ASPRV1: variants seen among roughly 807,000 people sequenced by gnomAD.
ASPRV1 encodes the protein retroviral-like aspartic protease 1.
ASPRV1 carries 7 observed loss-of-function variants against 11.0 expected under a neutral mutation model. That is an observed-to-expected ratio of 0.64 (90% CI 0.36 to 1.20). ASPRV1 has a LOEUF of 1.20. Ranked by LOEUF, ASPRV1 falls within the 50% of genes most tolerant of loss-of-function variation. ASPRV1 has a pLI of 0.02. For synonymous variants in ASPRV1, 136 were observed against 138.4 expected (o/e 0.98, Z 0.12); for missense variants, 299 against 320.0 (o/e 0.93, Z 0.50).
At chr2:70,084,583 G>C in the ASPRV1 span, among the ~76,000 whole-genome samples, 1 of 152,098 alleles carries the variant, frequency 6.6e-6, no homozygotes, top group East Asian at 1.9e-4. Context: ...GTGTATAAGC[G>C]GTCACAACTT....
At chr2:70,081,964 G>A in the ASPRV1 span, among the ~76,000 whole-genome samples, 4 of 151,834 alleles carry the variant, frequency 2.6e-5, no homozygotes, top group South Asian at 2.1e-4. Context: ...AAAAAGCTAC[G>A]TTAGTAGGGC....
At chr2:69,943,800 G>A in the ASPRV1 span, among the ~76,000 whole-genome samples, 11 of 152,148 alleles carry the variant, frequency 7.2e-5, no homozygotes, top group African/African-American at 2.7e-4. Context: ...TGGCAAGTTC[G>A]CCAAGTGCAG....
the ASPRV1 span, among the ~76,000 whole-genome samples, chr2:70,064,848 C>T: frequency 6.6e-6 from 1 of 152,168 alleles, no homozygotes; most frequent in Non-Finnish European, 1.5e-5. Context: ...AATCCCAGCA[C>T]TTTGGGAGGC....
At chr2:70,049,463 A>C in the ASPRV1 span, 1 of 152,132 alleles carries the variant, frequency 6.6e-6, no homozygotes, top group Non-Finnish European at 1.5e-5. Flanking sequence ...AGAGGCAAGA[A>C]ACTGAATCAA....
At chr2:69,983,560 G>T in the ASPRV1 span, among the ~76,000 whole-genome samples, 11 of 152,154 alleles carry the variant, frequency 7.2e-5, no homozygotes, top group Non-Finnish European at 1.5e-4. Context: ...AGCTGGGCTG[G>T]GCTGGATGTG....
At chr2:69,970,948 C>T in the ASPRV1 span, 1 of 152,362 alleles carries the variant, frequency 6.6e-6, no homozygotes, top group South Asian at 2.1e-4. Flanking sequence ...GGGCAGATCA[C>T]CTGAGGTCAG....
chr2:70,004,380 A>C, the ASPRV1 span, among the ~76,000 whole-genome samples: 1 of 152,052 alleles, frequency 6.6e-6, no homozygotes, highest in African/African-American at 2.4e-5. Context: ...AATACAAAAA[A>C]TTAGCCAGGT....
upstream of ASPRV1, among the ~76,000 whole-genome samples, chr2:69,965,570 C>T (rs542434653): frequency 1.6e-4 from 24 of 152,306 alleles, no homozygotes; most frequent in East Asian, 5.8e-4. Context: ...ATTGTTCCTG[C>T]GGCCTGACGA....
chr2:70,078,744 A>T, the ASPRV1 span, among the ~76,000 whole-genome samples: 1 of 152,326 alleles, frequency 6.6e-6, no homozygotes, highest in Non-Finnish European at 1.5e-5. Flanking sequence ...CATGGTAGGG[A>T]CACTACCTTT....
chr2:69,984,885 C>T, the ASPRV1 span, among the ~76,000 whole-genome samples: 1 of 145,914 alleles, frequency 6.9e-6, no homozygotes. Flanking sequence ...GAGGCAGAGT[C>T]TCGCTCTGTC....
chr2:70,002,080 G>C, the ASPRV1 span, among the ~76,000 whole-genome samples: 1 of 152,110 alleles, frequency 6.6e-6, no homozygotes, highest in Non-Finnish European at 1.5e-5. Context: ...ACAAATATTA[G>C]CATGATTTTT....
Position 69,960,144 on chromosome 2 carries a change from G to A in ASPRV1, c.*513C>T. Reference sequence around the variant, plus strand: ...TGCAGCAATTGAATTATTGGCATAAGGCACAATGGGCTTCAAAGCAAATGA... The same window carrying A: ...TGCAGCAATTGAATTATTGGCATAAAGCACAATGGGCTTCAAAGCAAATGA... On this transcript the variant is annotated 3_prime_UTR_variant, in exon 1 of 1. Coordinates refer to ENST00000320256, the MANE Select transcript of ASPRV1 (RefSeq NM_152792.4). 1 of 154,762 alleles carries A rather than the reference G, an allele frequency of 6.5e-6. No individual in the cohort carries two copies. Among genetic ancestry groups the A allele is most frequent in the Non-Finnish European group, 1.4e-5 (1 of 69,560 alleles). The allele number at this position is 154,762 out of a possible 1,614,324, so 9.6% of individuals were successfully genotyped here.
At chr2:70,052,616 A>G in the ASPRV1 span, among the ~76,000 whole-genome samples, 2 of 152,090 alleles carry the variant, frequency 1.3e-5, no homozygotes, top group Non-Finnish European at 2.9e-5. Flanking sequence ...GCAAATCTAC[A>G]CACCTCCTCA....
the ASPRV1 span, among the ~76,000 whole-genome samples, chr2:70,010,356 G>A: frequency 2.0e-5 from 3 of 152,172 alleles, no homozygotes; most frequent in African/African-American, 7.2e-5. Flanking sequence ...CTGAACAGCT[G>A]ACGTGGGGTG....
chr2:70,046,508 A>G, the ASPRV1 span: 1 of 152,210 alleles, frequency 6.6e-6, no homozygotes, highest in South Asian at 2.1e-4. Flanking sequence ...ATCACCTGAC[A>G]CATGTGCTAT....
At chr2:70,031,508 T>G in the ASPRV1 span, 1 of 152,058 alleles carries the variant, frequency 6.6e-6, no homozygotes, top group Admixed American at 6.6e-5. Flanking sequence ...CCATCCCGGC[T>G]AACATGGTAA....
chr2:70,070,071 C>T, the ASPRV1 span, among the ~76,000 whole-genome samples: 1 of 149,960 alleles, frequency 6.7e-6, no homozygotes, highest in Non-Finnish European at 1.5e-5. Context: ...CCCAGCTACT[C>T]GGGAGGCTGA....
the ASPRV1 span, among the ~76,000 whole-genome samples, chr2:69,947,036 C>T: frequency 3.9e-5 from 6 of 152,330 alleles, no homozygotes; most frequent in African/African-American, 1.4e-4. Flanking sequence ...TTCACACGTA[C>T]CTTTGCACTG....
chr2:70,085,651 GA>G, the ASPRV1 span: 2 of 151,880 alleles, frequency 1.3e-5, no homozygotes, highest in African/African-American at 4.9e-5. Context: ...GAGAGAGAGA[GA>G]GATAAGAACA....
Sources: gnomAD v4.1 joint callset for allele counts (sites outside exome capture counted in the v4.1 genomes callset) on GRCh38, gnomAD v4.1.1 for gene constraint, MANE v1.5 for transcripts, NCBI Gene and HGNC (gene_info 2026-07-23, HGNC 2026-07-21) for gene names.